AIG1: variants seen among roughly 807,000 people sequenced by gnomAD.
AIG1 encodes androgen induced 1, also known as androgen-induced gene 1 protein.
AIG1 carries 23 observed loss-of-function variants against 31.4 expected under a neutral mutation model. That is an observed-to-expected ratio of 0.73 (90% CI 0.53 to 1.04). The LOEUF is 1.04. Ranked by LOEUF, AIG1 falls within the 50% of genes least tolerant of loss-of-function variation. The pLI is 0.00. For missense variants in AIG1, 274 were observed against 295.0 expected, an observed-to-expected ratio of 0.93 and a Z score of 0.52; for synonymous variants, 100 against 110.5, an observed-to-expected ratio of 0.90 and a Z score of 0.60.
intron 3 of AIG1, among the ~76,000 whole-genome samples, chr6:143,236,744 A>AC (rs1326984117): frequency 6.6e-6 from 1 of 151,986 alleles, no homozygotes; most frequent in Non-Finnish European, 1.5e-5. Context: ...AAAAAACGCC[A>AC]CCCCCCAACT....
At chr6:143,332,313 A>C (rs1366267778) in intron 4 of AIG1, among the ~76,000 whole-genome samples, 1 of 152,228 alleles carries the variant, frequency 6.6e-6, no homozygotes, top group African/African-American at 2.4e-5. Flanking sequence ...CACAATTGCC[A>C]ACAGTTTATA....
chr6:143,075,079 A>G lies in AIG1; in HGVS notation c.141+14013A>G, dbSNP rs368377075. Among the ~76,000 whole-genome samples the G allele has an allele frequency of 2.8e-4, 42 of 152,288 alleles. No homozygotes were observed. In the East Asian group the frequency reaches 3.7e-3, roughly 13 times the overall value. On this transcript the variant is annotated intron_variant, in intron 1 of 5. Transcript: ENST00000357847. ...TTGGTATCTTTCAAATAATTGGTCA[A>G]TTTCATCTTTCAGCATTTCCTTTTT...
Position 143,330,832 on chromosome 6 carries a change from C to T in AIG1, c.516-2450C>T, listed in dbSNP as rs9403484. ...TAAACCATTTGATGGGTACACAGCA[C>T]CTTCCTTACATTATTTAAGACAATG... On this transcript the variant is annotated intron_variant, in intron 4 of 5. Coordinates refer to ENST00000357847, the MANE Select transcript of AIG1 (RefSeq NM_016108.4). This position sits in a 1 kb window ranked among gnomAD's most constrained non-coding sequence, Gnocchi z 4.4. 0.19 allele frequency among the ~76,000 whole-genome samples: 29,306 copies of T among 152,134 alleles called. 3,356 individuals are homozygous for T. The highest frequency in any genetic ancestry group is 0.31 in the Admixed American group (4,776 of 15,290).
intron 3 of AIG1, among the ~76,000 whole-genome samples, chr6:143,275,711 A>G (rs1796843856): frequency 6.6e-6 from 1 of 152,164 alleles, no homozygotes; most frequent in African/African-American, 2.4e-5. Context: ...TCTTTCCTTG[A>G]CATAACCAAG....
intron 4 of AIG1, among the ~76,000 whole-genome samples, chr6:143,303,543 T>C (rs1361077715): frequency 2.6e-5 from 4 of 152,066 alleles, no homozygotes; most frequent in South Asian, 2.1e-4. Context: ...TGTAGATATG[T>C]GGCATTATTT....
intron 3 of AIG1, among the ~76,000 whole-genome samples, chr6:143,174,696 T>C (rs1157114811): frequency 2.0e-5 from 3 of 152,138 alleles, no homozygotes; most frequent in African/African-American, 7.2e-5. Flanking sequence ...TTTAGGCCAT[T>C]TACATTCAAT....
At chr6:143,277,229 G>C (rs190648477) in intron 3 of AIG1, among the ~76,000 whole-genome samples, 4 of 152,126 alleles carry the variant, frequency 2.6e-5, no homozygotes, top group Non-Finnish European at 4.4e-5. Context: ...GGGGGGGTGA[G>C]AGGAAACAGG....
chr6:143,238,942 A>G (rs1022559782), intron 3 of AIG1, among the ~76,000 whole-genome samples: 17 of 152,222 alleles, frequency 1.1e-4, no homozygotes, highest in African/African-American at 3.9e-4. Context: ...CTGTAGACAT[A>G]ATTACCAGGA....
chr6:143,232,012 T>G (rs1023002222), intron 3 of AIG1, among the ~76,000 whole-genome samples: 1 of 152,224 alleles, frequency 6.6e-6, no homozygotes, highest in African/African-American at 2.4e-5. Context: ...TCAGGGGATC[T>G]CTCCATTTAA....
At chr6:143,209,701 C>T (rs914019501) in intron 3 of AIG1, among the ~76,000 whole-genome samples, 21 of 152,246 alleles carry the variant, frequency 1.4e-4, no homozygotes, top group African/African-American at 4.6e-4. Context: ...AGACTCCTGA[C>T]CTTGGAATTG....
intron 3 of AIG1, among the ~76,000 whole-genome samples, chr6:143,200,933 C>CAT (rs35871933): frequency 0.5 from 75,380 of 151,650 alleles, 19,772 homozygotes; most frequent in East Asian, 0.84. Context: ...CCGAGTATCT[C>CAT]GTGGATTTCC....
chr6:143,286,304 T>C (rs1797677079), intron 4 of AIG1, among the ~76,000 whole-genome samples: 1 of 152,108 alleles, frequency 6.6e-6, no homozygotes, highest in South Asian at 2.1e-4. Context: ...AATGAAGCAT[T>C]ACTCATTCTC....
At chr6:143,121,008 A>T (rs1214650955) in intron 1 of AIG1, among the ~76,000 whole-genome samples, 2 of 152,386 alleles carry the variant, frequency 1.3e-5, no homozygotes, top group East Asian at 3.9e-4. Flanking sequence ...CCTGCTGCAG[A>T]TAACTAGCCC....
intron 2 of AIG1, among the ~76,000 whole-genome samples, chr6:143,157,896 A>G (rs889205942): frequency 1.3e-5 from 2 of 152,152 alleles, no homozygotes; most frequent in African/African-American, 4.8e-5. Context: ...ATCTATGACT[A>G]CATTCCATAC....
At position 143,318,117 on chromosome 6, in the gene AIG1, C is replaced by A. The variant is rs564389102; in HGVS notation, c.516-15165C>A. 1.6e-4 allele frequency among the ~76,000 whole-genome samples: 25 copies of A among 152,076 alleles called. 1 individual carries two copies. In the South Asian group the frequency reaches 5.2e-3, roughly 32 times the overall value. ...AAGGCAATTTCCATCAAAATACCACCATCATTATTCACAGAATTAGAAAAA... is the reference window on the plus strand; with the variant it reads ...AAGGCAATTTCCATCAAAATACCACAATCATTATTCACAGAATTAGAAAAA... On this transcript the variant is annotated intron_variant, in intron 4 of 5. Coordinates refer to ENST00000357847, the MANE Select transcript of AIG1 (RefSeq NM_016108.4).
At chr6:143,191,515 T>A (rs1789790100) in intron 3 of AIG1, among the ~76,000 whole-genome samples, 1 of 152,200 alleles carries the variant, frequency 6.6e-6, no homozygotes, top group African/African-American at 2.4e-5. Flanking sequence ...TTTTATTTTC[T>A]TGGATCTCAT....
chr6:143,160,057 G>A (rs1016069132), intron 2 of AIG1, among the ~76,000 whole-genome samples: 1 of 152,092 alleles, frequency 6.6e-6, no homozygotes, highest in Admixed American at 6.6e-5. Context: ...AATATATATA[G>A]GATTTTATCC....
intron 1 of AIG1, among the ~76,000 whole-genome samples, chr6:143,069,570 G>T (rs566730834): frequency 6.6e-6 from 1 of 152,248 alleles, no homozygotes; most frequent in Admixed American, 6.5e-5. Context: ...TTCCCCTCAT[G>T]ACTGAAGTTG....
At chr6:143,173,090 C>G (rs759238180) in intron 3 of AIG1, among the ~76,000 whole-genome samples, 1 of 151,820 alleles carries the variant, frequency 6.6e-6, no homozygotes, top group Non-Finnish European at 1.5e-5. Flanking sequence ...GAGTTTCACC[C>G]TGTTGCCCAG....
Sources: allele counts gnomAD v4.1 joint callset (sites outside exome capture counted in the v4.1 genomes callset), GRCh38; gene constraint gnomAD v4.1.1; non-coding constraint Gnocchi (gnomAD v3.1); transcripts MANE v1.5; gene names NCBI Gene and HGNC (gene_info 2026-07-23, HGNC 2026-07-21).